SLC25A28: variants seen among roughly 807,000 people sequenced by gnomAD.
SLC25A28 encodes the protein solute carrier family 25 member 28.
A neutral mutation model predicts 31.9 loss-of-function variants in SLC25A28; 10 were observed. The observed-to-expected ratio is 0.31, with a 90% CI of 0.19 to 0.53. The LOEUF (loss-of-function observed/expected upper bound fraction) is 0.53. Among genes scored for constraint, SLC25A28 ranks in the 20% least tolerant of loss-of-function variants. The probability of loss-of-function intolerance (pLI) is 0.95; values close to 1 mark genes in which losing one functional copy is unlikely to be tolerated. For missense variants in SLC25A28, 256 were observed against 490.3 expected (o/e 0.52, Z 4.51); for synonymous variants, 208 against 203.6 (o/e 1.02, Z -0.19).
At chr10:99,657,604 T>G in the SLC25A28 span, among the ~76,000 whole-genome samples, 1 of 152,036 alleles carries the variant, frequency 6.6e-6, no homozygotes, top group Non-Finnish European at 1.5e-5. Flanking sequence ...TCATGAGAAC[T>G]GAATATAGAA....
the SLC25A28 span, among the ~76,000 whole-genome samples, chr10:99,630,143 C>T: frequency 0.85 from 129,975 of 152,050 alleles, 55,658 homozygotes; most frequent in Middle Eastern, 0.92. Context: ...TTTCTTTTCT[C>T]TTTGAGACGG....
chr10:99,630,336 G>A, the SLC25A28 span, among the ~76,000 whole-genome samples: 24 of 152,110 alleles, frequency 1.6e-4, no homozygotes, highest in African/African-American at 5.5e-4. Context: ...GTTTCACCAC[G>A]TTGGCGAGGC....
At chr10:99,643,644 T>G in the SLC25A28 span, among the ~76,000 whole-genome samples, 2 of 152,174 alleles carry the variant, frequency 1.3e-5, no homozygotes, top group Non-Finnish European at 2.9e-5. Context: ...TCTAGTTCTT[T>G]TAATTGTGAT....
chr10:99,628,745 C>A, the SLC25A28 span, among the ~76,000 whole-genome samples: 1 of 152,110 alleles, frequency 6.6e-6, no homozygotes, highest in Non-Finnish European at 1.5e-5. Context: ...CGTTTGAACC[C>A]GGGAGGCAGA....
chr10:99,640,048 G>A, the SLC25A28 span, among the ~76,000 whole-genome samples: 2 of 152,314 alleles, frequency 1.3e-5, no homozygotes, highest in East Asian at 1.9e-4. Flanking sequence ...AGACATGCAT[G>A]TGTTATACAA....
chr10:99,622,702 AG>A (rs759391167), upstream of SLC25A28: 17 of 985,280 alleles, frequency 1.7e-5, no homozygotes, highest in Non-Finnish European at 1.8e-5. Context: ...ACACTTCTCT[AG>A]CCATTGAAGT....
the SLC25A28 span, among the ~76,000 whole-genome samples, chr10:99,628,266 C>A: frequency 5.9e-5 from 9 of 152,166 alleles, no homozygotes; most frequent in Admixed American, 6.5e-5. Flanking sequence ...CTGAGTAATA[C>A]TCCTCATTTA....
Position 99,620,414 on chromosome 10 carries a change from C to T in SLC25A28, c.-79G>A. 7 of 1,052,562 alleles carry T rather than the reference C, an allele frequency of 6.7e-6. No individual in the cohort carries two copies. The highest frequency in any genetic ancestry group is 8.0e-6 in the Non-Finnish European group (7 of 874,386). 65.2% of individuals were successfully genotyped at this position (1,052,562 alleles called of 1,614,324 possible). A position where few individuals can be genotyped will look rare whatever the true frequency, so the allele number is the denominator to read the frequency against. ...CGCCGCCCCCCGGCCCCGTAGTGTC[C>T]GCCTCAGGCGCGGCCCAGAGAGCCC... On this transcript the variant is annotated 5_prime_UTR_variant, in exon 1 of 4. Coordinates refer to ENST00000370495, the MANE Select transcript of SLC25A28 (RefSeq NM_031212.4).
In SLC25A28 at chr10:99,611,801, G is replaced by A. The variant is rs142613977; in HGVS notation, c.578-435C>T. 4.6e-3 allele frequency among the ~76,000 whole-genome samples: 696 copies of A among 152,300 alleles called. 5 individuals are homozygous for A. Among genetic ancestry groups the A allele is most frequent in the South Asian group, 0.015 (73 of 4,828 alleles). On this transcript the variant is annotated intron_variant, in intron 3 of 3. Transcript: ENST00000370495. The surrounding 1 kb of genome is among the most constrained non-coding windows in gnomAD (Gnocchi z 5.5). ...AGAGCACCTAACTTTTAAAATGTGA[G>A]ATGGTGATCCTCCTAGAGGGGAGGA...
the SLC25A28 span, among the ~76,000 whole-genome samples, chr10:99,655,946 G>A: frequency 2.6e-5 from 4 of 152,122 alleles, no homozygotes; most frequent in Non-Finnish European, 4.4e-5. Flanking sequence ...GATCTCCCAC[G>A]CCATGCTAAG....
upstream of SLC25A28, chr10:99,620,869 C>G (rs549640240): frequency 1.0e-6 from 1 of 985,362 alleles, no homozygotes; most frequent in African/African-American, 1.7e-5. Flanking sequence ...AGCTGCGGTC[C>G]CTGTGCGCGG....
At chr10:99,637,154 G>A in the SLC25A28 span, among the ~76,000 whole-genome samples, 1 of 152,116 alleles carries the variant, frequency 6.6e-6, no homozygotes, top group Admixed American at 6.5e-5. Flanking sequence ...GTCAATAAAT[G>A]TGATATACCA....
At chr10:99,647,011 T>C in the SLC25A28 span, among the ~76,000 whole-genome samples, 20 of 152,370 alleles carry the variant, frequency 1.3e-4, no homozygotes, top group East Asian at 3.7e-3. Flanking sequence ...TTCTTTCTTA[T>C]GGCTGAGTAG....
chr10:99,616,364 T>C (rs1359989179), intron 1 of SLC25A28: 5 of 813,502 alleles, frequency 6.1e-6, no homozygotes, highest in Non-Finnish European at 7.4e-6. Context: ...ACAGGGCTGT[T>C]GTGGGGATTA....
At chr10:99,633,158 C>T in the SLC25A28 span, among the ~76,000 whole-genome samples, 3 of 152,038 alleles carry the variant, frequency 2.0e-5, no homozygotes, top group South Asian at 6.2e-4. Flanking sequence ...AAAAGTTGGC[C>T]TCAACCCCAT....
At chr10:99,622,973 A>G (rs572740860), upstream of SLC25A28, among the ~76,000 whole-genome samples, 1 of 152,278 alleles carries the variant, frequency 6.6e-6, no homozygotes, top group South Asian at 2.1e-4. Context: ...ACAGAGAAAA[A>G]TACACACAAA....
intron 1 of SLC25A28, among the ~76,000 whole-genome samples, chr10:99,614,432 C>CA (rs1344523880): frequency 1.3e-5 from 2 of 152,186 alleles, no homozygotes; most frequent in African/African-American, 4.8e-5. Context: ...TGGGTCTACA[C>CA]AGAGTCTTGG....
the SLC25A28 span, among the ~76,000 whole-genome samples, chr10:99,631,033 A>G: frequency 1.3e-5 from 2 of 152,128 alleles, no homozygotes; most frequent in African/African-American, 2.4e-5. Flanking sequence ...TTTCTGGACA[A>G]AGAAAACATA....
the SLC25A28 span, among the ~76,000 whole-genome samples, chr10:99,640,594 C>G: frequency 1.3e-5 from 2 of 151,862 alleles, no homozygotes; most frequent in African/African-American, 4.8e-5. Flanking sequence ...ACTTTAAGTT[C>G]TAGGGTACAT....
Sources: allele counts gnomAD v4.1 joint callset (sites outside exome capture counted in the v4.1 genomes callset), GRCh38; gene constraint gnomAD v4.1.1; non-coding constraint Gnocchi (gnomAD v3.1); transcripts MANE v1.5; gene names NCBI Gene and HGNC (gene_info 2026-07-23, HGNC 2026-07-21).